CAAP1: variants seen among roughly 807,000 people sequenced by gnomAD.
CAAP1 encodes conserved anti-apoptotic protein.
Under a neutral mutation model 34.0 loss-of-function variants are expected in CAAP1, and 20 were observed. The ratio of observed to expected loss-of-function variants is 0.59; its 90% CI spans 0.41 to 0.86. The LOEUF (loss-of-function observed/expected upper bound fraction) is 0.86, where lower values mean the gene tolerates loss of function less well. CAAP1 is among the 40% of genes least tolerant of loss of function. CAAP1 has a pLI of 0.00. For synonymous variants in CAAP1, 213 were observed against 166.7 expected, an observed-to-expected ratio of 1.28 and a Z score of -2.14; for missense variants, 538 against 450.5, an observed-to-expected ratio of 1.19 and a Z score of -1.76.
intron 4 of CAAP1, among the ~76,000 whole-genome samples, chr9:26,862,388 T>A (rs1459631368): frequency 2.0e-5 from 3 of 151,782 alleles, no homozygotes; most frequent in African/African-American, 7.3e-5. Flanking sequence ...ATTTAATTAT[T>A]CTTCTAAACA....
rs528938045 is a variant in CAAP1 at position 26,890,956 on chromosome 9, A to C, written c.303+1457T>G. On this transcript the variant is annotated intron_variant, in intron 1 of 5. Transcript: ENST00000333916. Reference sequence around the variant, plus strand: ...CGAGACTCCGTCTCAAAAAAAACAAAAAAAAAGAAACACATACATGAAAGT... The same window carrying C: ...CGAGACTCCGTCTCAAAAAAAACAACAAAAAAGAAACACATACATGAAAGT... 5.9e-5 allele frequency among the ~76,000 whole-genome samples: 9 copies of C among 152,308 alleles called. No individual in the cohort carries two copies. In the South Asian group the frequency reaches 1.9e-3, roughly 32 times the overall value.
intron 5 of CAAP1, among the ~76,000 whole-genome samples, chr9:26,847,792 T>C (rs1486806946): frequency 6.6e-6 from 1 of 152,158 alleles, no homozygotes; most frequent in Non-Finnish European, 1.5e-5. Context: ...TTTCCCTTTG[T>C]TTATTCCCTA....
At chr9:26,870,029 G>C in intron 4 of CAAP1, 17 of 433,580 alleles carry the variant, frequency 3.9e-5, no homozygotes, top group Non-Finnish European at 4.8e-5. Flanking sequence ...TTCTGTAATA[G>C]AAAGAATAAC....
intron 4 of CAAP1, among the ~76,000 whole-genome samples, chr9:26,864,325 T>G (rs540708542): frequency 6.6e-5 from 10 of 152,100 alleles, no homozygotes; most frequent in Non-Finnish European, 1.3e-4. Context: ...ACCACATATA[T>G]GAACCCCTAA....
chr9:26,868,622 A>T (rs1823196987), intron 4 of CAAP1, among the ~76,000 whole-genome samples: 1 of 152,220 alleles, frequency 6.6e-6, no homozygotes, highest in Admixed American at 6.5e-5. Flanking sequence ...TAGGAAACTA[A>T]CACACTTATA....
chr9:26,882,154 A>G (rs990753984), intron 4 of CAAP1, among the ~76,000 whole-genome samples: 2 of 152,224 alleles, frequency 1.3e-5, no homozygotes, highest in Admixed American at 1.3e-4. Context: ...CAGCCTGCCA[A>G]TGCTACAGAA....
chr9:26,849,522 C>T (rs549824664), intron 5 of CAAP1, among the ~76,000 whole-genome samples: 6 of 152,134 alleles, frequency 3.9e-5, no homozygotes, highest in Admixed American at 3.9e-4. Context: ...TCCTGTGCCA[C>T]TTTGATTATT....
At chr9:26,889,867 CAA>C (rs1028187218) in intron 1 of CAAP1, among the ~76,000 whole-genome samples, 8 of 51,312 alleles carry the variant, frequency 1.6e-4, no homozygotes, top group African/African-American at 3.8e-4. Flanking sequence ...GACTCTGTCT[CAA>C]AAAAAAAAAA....
At position 26,892,778 on chromosome 9, in the gene CAAP1, C is replaced by T. The variant is rs974472259; in HGVS notation, c.-63G>A. 1.0e-5 allele frequency: 15 copies of T among 1,479,794 alleles called. No homozygotes were observed. Among genetic ancestry groups the T allele is most frequent in the African/African-American group, 7.0e-5 (5 of 71,556 alleles). The allele number at this position is 1,479,794 out of a possible 1,614,324, so 91.7% of individuals were successfully genotyped here. A position where few individuals can be genotyped will look rare whatever the true frequency, so the allele number is the denominator to read the frequency against. ...TCTCTGGTGCGACCGAAGCCCGACTCCTGCGGCCGTGGGCGGCAGGCACTG... is the reference window on the plus strand; with the variant it reads ...TCTCTGGTGCGACCGAAGCCCGACTTCTGCGGCCGTGGGCGGCAGGCACTG... On this transcript the variant is annotated 5_prime_UTR_variant, in exon 1 of 6. Transcript: ENST00000333916.
chr9:26,871,316 G>T (rs1416029959), intron 4 of CAAP1, among the ~76,000 whole-genome samples: 1 of 152,170 alleles, frequency 6.6e-6, no homozygotes, highest in African/African-American at 2.4e-5. Context: ...AGTGGCTCAT[G>T]CCTGTAATCC....
chr9:26,847,121 T>G (rs1412554912), intron 5 of CAAP1, among the ~76,000 whole-genome samples: 1 of 151,614 alleles, frequency 6.6e-6, no homozygotes, highest in Admixed American at 6.6e-5. Context: ...TGGTCATTTT[T>G]TTTCATCTTA....
rs372303404 is a variant in CAAP1 at position 26,843,778 on chromosome 9, CAAT to C, written c.740-1134_740-1132del. Among the ~76,000 whole-genome samples the C allele has an allele frequency of 4.4e-4, 67 of 152,172 alleles. No individual in the cohort carries two copies. The East Asian group carries it at 0.012, about 28-fold the overall frequency. Reference sequence around the variant, plus strand: ...AATTATACTCCATTGGTTTTATAATCAATGATGATTTACTGACCTTCAGTGATC... The same window carrying C: ...AATTATACTCCATTGGTTTTATAATCGATGATTTACTGACCTTCAGTGATC... On this transcript the variant is annotated intron_variant, in intron 5 of 5. Coordinates refer to ENST00000333916, the MANE Select transcript of CAAP1 (RefSeq NM_024828.4).
At chr9:26,892,187 A>T in intron 1 of CAAP1, 1 of 1,282,334 alleles carries the variant, frequency 7.8e-7, no homozygotes, top group Non-Finnish European at 1.0e-6. Context: ...AATAAATTAA[A>T]AAAAAAGTGA....
chr9:26,858,299 T>C (rs1587098160), intron 5 of CAAP1, among the ~76,000 whole-genome samples: 1 of 152,328 alleles, frequency 6.6e-6, no homozygotes, highest in East Asian at 1.9e-4. Flanking sequence ...CAGGGAATAA[T>C]CTTTATTGAG....
At chr9:26,882,005 A>G (rs979110036) in intron 4 of CAAP1, among the ~76,000 whole-genome samples, 21 of 152,190 alleles carry the variant, frequency 1.4e-4, no homozygotes, top group Non-Finnish European at 1.8e-4. Flanking sequence ...GATTTGTGGA[A>G]CTTTGAACTT....
At chr9:26,843,390 T>C (rs1398792616) in intron 5 of CAAP1, among the ~76,000 whole-genome samples, 1 of 152,220 alleles carries the variant, frequency 6.6e-6, no homozygotes, top group African/African-American at 2.4e-5. Context: ...CCAGGCATCA[T>C]TTGCAACTTT....
intron 5 of CAAP1, among the ~76,000 whole-genome samples, chr9:26,850,019 T>G (rs961738005): frequency 1.3e-5 from 2 of 152,114 alleles, no homozygotes; most frequent in African/African-American, 4.8e-5. Context: ...TTTGTATTTT[T>G]AGTAGAGACA....
At chr9:26,876,325 A>C (rs1393139778) in intron 4 of CAAP1, among the ~76,000 whole-genome samples, 2 of 152,174 alleles carry the variant, frequency 1.3e-5, no homozygotes, top group African/African-American at 4.8e-5. Flanking sequence ...AAGTCTTCCC[A>C]TCTCAAGATC....
intron 4 of CAAP1, among the ~76,000 whole-genome samples, chr9:26,883,198 A>G (rs1009000709): frequency 2.0e-5 from 3 of 152,202 alleles, no homozygotes; most frequent in Non-Finnish European, 2.9e-5. Context: ...CCGGGGCAGA[A>G]TGATACGGTT....
Sources: allele counts gnomAD v4.1 joint callset (sites outside exome capture counted in the v4.1 genomes callset), GRCh38; gene constraint gnomAD v4.1.1; transcripts MANE v1.5; gene names NCBI Gene and HGNC (gene_info 2026-07-23, HGNC 2026-07-21).